The following SPAG16 variants were observed in gnomAD, a reference collection of about 807,000 sequenced individuals.
SPAG16 encodes sperm-associated antigen 16 protein.
SPAG16 carries 86 observed loss-of-function variants against 80.4 expected under a neutral mutation model. The observed-to-expected ratio is 1.07, with a 90% CI of 0.90 to 1.28. SPAG16 has a LOEUF of 1.28. Ranked by LOEUF, SPAG16 falls within the 50% of genes most tolerant of loss-of-function variation. The pLI, the probability that SPAG16 is intolerant of heterozygous loss-of-function variation, is 0.00. For missense variants in SPAG16, 870 were observed against 765.3 expected, an observed-to-expected ratio of 1.14 and a Z score of -1.61; for synonymous variants, 294 against 265.9, an observed-to-expected ratio of 1.11 and a Z score of -1.03.
At chr2:213,543,518 A>G (rs1041583670) in intron 10 of SPAG16, among the ~76,000 whole-genome samples, 5 of 151,898 alleles carry the variant, frequency 3.3e-5, no homozygotes, top group African/African-American at 2.4e-5. Flanking sequence ...ACTCTAGTAC[A>G]TCGTAATTTA....
chr2:213,431,169 G>A (rs77030502), intron 9 of SPAG16, among the ~76,000 whole-genome samples: 3,532 of 151,718 alleles, frequency 0.023, 58 homozygotes, highest in South Asian at 0.038. Flanking sequence ...AGGAAGAAGA[G>A]AAAGAAATCA....
chr2:214,244,104 C>A (rs560765446), intron 15 of SPAG16, among the ~76,000 whole-genome samples: 3 of 152,070 alleles, frequency 2.0e-5, no homozygotes, highest in African/African-American at 7.2e-5. Flanking sequence ...GGAATCCACT[C>A]AATCAGTTAC....
chr2:214,267,915 C>T (rs1691699497), intron 15 of SPAG16, among the ~76,000 whole-genome samples: 1 of 151,688 alleles, frequency 6.6e-6, no homozygotes, highest in Admixed American at 6.6e-5. Context: ...ATGTTTGCAA[C>T]TCATATATCA....
chr2:213,535,902 T>C (rs1197333449), intron 10 of SPAG16, among the ~76,000 whole-genome samples: 1 of 152,076 alleles, frequency 6.6e-6, no homozygotes, highest in Non-Finnish European at 1.5e-5. Context: ...TGCTGTGAGA[T>C]TTAGTAAGGT....
intron 10 of SPAG16, among the ~76,000 whole-genome samples, chr2:213,512,669 C>T (rs1270315142): frequency 6.6e-6 from 1 of 152,166 alleles, no homozygotes; most frequent in African/African-American, 2.4e-5. Flanking sequence ...GTCAGATTGA[C>T]TCCATCTGGC....
At chr2:213,329,302 C>T (rs1334386012) in intron 5 of SPAG16, among the ~76,000 whole-genome samples, 1 of 152,092 alleles carries the variant, frequency 6.6e-6, no homozygotes, top group Non-Finnish European at 1.5e-5. Context: ...AAAGTTTGGA[C>T]CTCCCTAGAG....
In SPAG16 at chr2:213,593,126, G is replaced by C. The variant is rs192770443; in HGVS notation, c.1070+103036G>C. Among the ~76,000 whole-genome samples the C allele has an allele frequency of 2.1e-4, 32 of 152,136 alleles. No homozygotes were observed. In the East Asian group the frequency reaches 6.2e-3, roughly 29 times the overall value. On this transcript the variant is annotated intron_variant, in intron 10 of 15. Transcript: ENST00000331683. ...CTAATATACTGATTTCTCATTCAAA[G>C]ATTAGCCAATGTCTTTTCCTGGAAG...
chr2:214,037,864 GGTGTGTGTGTGTGTGTGTGTGTGTGT>G (rs35564156), intron 13 of SPAG16, among the ~76,000 whole-genome samples: 12 of 133,630 alleles, frequency 9.0e-5, no homozygotes, highest in Middle Eastern at 3.5e-3. Context: ...CCAGAAGCCT[GGTGTGTGTGTGTGTGTGTGTGTGTGT>G]GTGTGTGTGT....
chr2:214,251,979 A>G (rs1161037313), intron 15 of SPAG16, among the ~76,000 whole-genome samples: 2 of 152,100 alleles, frequency 1.3e-5, no homozygotes, highest in African/African-American at 4.8e-5. Context: ...AAATGAATTG[A>G]TCTGATGCTT....
chr2:213,694,517 A>G (rs1011815410), intron 10 of SPAG16, among the ~76,000 whole-genome samples: 4 of 152,196 alleles, frequency 2.6e-5, no homozygotes, highest in Non-Finnish European at 4.4e-5. Context: ...AAAAGTCACA[A>G]TGATCACGTG....
intron 15 of SPAG16, among the ~76,000 whole-genome samples, chr2:214,384,353 A>G (rs1700629466): frequency 6.6e-6 from 1 of 152,134 alleles, no homozygotes; most frequent in South Asian, 2.1e-4. Context: ...TTCCCTAGAG[A>G]TGCTACAGAT....
intron 15 of SPAG16, among the ~76,000 whole-genome samples, chr2:214,335,419 T>C (rs937440246): frequency 1.3e-5 from 2 of 152,082 alleles, no homozygotes; most frequent in Non-Finnish European, 2.9e-5. Flanking sequence ...TTTTATTTAT[T>C]GAAACAACTA....
At chr2:213,457,966 A>G (rs1207649104) in intron 9 of SPAG16, among the ~76,000 whole-genome samples, 1 of 150,480 alleles carries the variant, frequency 6.6e-6, no homozygotes, top group Non-Finnish European at 1.5e-5. Context: ...ACTTGTTAAT[A>G]TTTAGTGGAC....
At chr2:213,555,612 C>A (rs2059401373) in intron 10 of SPAG16, among the ~76,000 whole-genome samples, 1 of 152,158 alleles carries the variant, frequency 6.6e-6, no homozygotes, top group Non-Finnish European at 1.5e-5. Context: ...ACAAATACAT[C>A]CAGCAAAGCT....
chr2:213,951,534 G>A (rs1441285660), intron 12 of SPAG16, among the ~76,000 whole-genome samples: 2 of 152,112 alleles, frequency 1.3e-5, no homozygotes, highest in South Asian at 4.1e-4. Context: ...GCACATAAAA[G>A]AGAAAATATG....
At chr2:214,395,020 A>G (rs1003442508) in intron 15 of SPAG16, among the ~76,000 whole-genome samples, 1 of 152,138 alleles carries the variant, frequency 6.6e-6, no homozygotes, top group African/African-American at 2.4e-5. Context: ...TGTTTCCTCC[A>G]TGCCTTTTCA....
intron 15 of SPAG16, among the ~76,000 whole-genome samples, chr2:214,267,402 A>C (rs1691655588): frequency 6.6e-6 from 1 of 151,822 alleles, no homozygotes; most frequent in African/African-American, 2.4e-5. Flanking sequence ...GGGAAAGGAC[A>C]GTCCCTTCAA....
At chr2:213,551,674 A>G (rs2076784107) in intron 10 of SPAG16, among the ~76,000 whole-genome samples, 1 of 152,162 alleles carries the variant, frequency 6.6e-6, no homozygotes, top group South Asian at 2.1e-4. Context: ...AGGAATAGAG[A>G]GAGTTCCTTA....
At chr2:214,002,227 A>C (rs931895111) in intron 12 of SPAG16, among the ~76,000 whole-genome samples, 2 of 152,176 alleles carry the variant, frequency 1.3e-5, no homozygotes, top group African/African-American at 4.8e-5. Context: ...ATATTTGTGT[A>C]TTAATAAAGA....
Sources: allele counts gnomAD v4.1 joint callset (sites outside exome capture counted in the v4.1 genomes callset), GRCh38; gene constraint gnomAD v4.1.1; transcripts MANE v1.5; gene names NCBI Gene and HGNC (gene_info 2026-07-23, HGNC 2026-07-21).